ZNF804B: variants seen among roughly 807,000 people sequenced by gnomAD.
ZNF804B encodes zinc finger protein 804B, also known as zinc finger 804B.
ZNF804B carries 80 observed loss-of-function variants against 101.4 expected under a neutral mutation model. The ratio of observed to expected loss-of-function variants is 0.79; its 90% CI spans 0.66 to 0.95. ZNF804B has a LOEUF of 0.95. Among genes scored for constraint, ZNF804B ranks in the 40% least tolerant of loss-of-function variants. The pLI is 0.00. For missense variants in ZNF804B, 1,673 were observed against 1,561.9 expected, an observed-to-expected ratio of 1.07 and a Z score of -1.20; for synonymous variants, 622 against 558.8, an observed-to-expected ratio of 1.11 and a Z score of -1.59.
At chr7:89,013,824 A>G (rs1788499335) in intron 1 of ZNF804B, among the ~76,000 whole-genome samples, 1 of 152,136 alleles carries the variant, frequency 6.6e-6, no homozygotes, top group African/African-American at 2.4e-5. Flanking sequence ...TTACTTCTAT[A>G]CAATCAACTC....
chr7:89,016,190 T>G (rs983917830), intron 1 of ZNF804B, among the ~76,000 whole-genome samples: 9 of 152,154 alleles, frequency 5.9e-5, no homozygotes, highest in African/African-American at 2.2e-4. Flanking sequence ...GGTTGTTTGT[T>G]TTTTTCTTGT....
intron 1 of ZNF804B, among the ~76,000 whole-genome samples, chr7:89,018,874 T>C (rs1788614127): frequency 1.3e-5 from 2 of 152,062 alleles, no homozygotes; most frequent in Admixed American, 1.3e-4. Flanking sequence ...TATTTATGTG[T>C]GTCTTCTCTC....
Position 89,119,524 on chromosome 7 carries a change from A to G in ZNF804B, c.109-98631A>G, listed in dbSNP as rs376595912. On this transcript the variant is annotated intron_variant, in intron 1 of 3. Transcript: ENST00000333190. Reference sequence around the variant, plus strand: ...TTTGCTTTTCTCCGTTCTTCCTCATAGTCAAAATAAATCAATAATTATAAA... The same window carrying G: ...TTTGCTTTTCTCCGTTCTTCCTCATGGTCAAAATAAATCAATAATTATAAA... Among the ~76,000 whole-genome samples the G allele has an allele frequency of 4.6e-5, 7 of 152,190 alleles. No homozygotes were observed. In the East Asian group the frequency reaches 1.3e-3, roughly 29 times the overall value.
chr7:88,863,047 G>A (rs1480023807), intron 1 of ZNF804B, among the ~76,000 whole-genome samples: 1 of 151,976 alleles, frequency 6.6e-6, no homozygotes, highest in East Asian at 1.9e-4. Context: ...TGTCTACAAG[G>A]CCCTGCAGTG....
chr7:89,218,968 G>A (rs1322798559), intron 2 of ZNF804B, among the ~76,000 whole-genome samples: 2 of 152,012 alleles, frequency 1.3e-5, no homozygotes, highest in African/African-American at 4.8e-5. Context: ...CATGTAAGTG[G>A]ACCCATTCAG....
chr7:88,765,123 C>T (rs1411586515), intron 1 of ZNF804B, among the ~76,000 whole-genome samples: 1 of 152,024 alleles, frequency 6.6e-6, no homozygotes, highest in African/African-American at 2.4e-5. Context: ...ATTAAGAAGA[C>T]TTAAATAGGT....
At chr7:89,092,252 T>C (rs926142235) in intron 1 of ZNF804B, among the ~76,000 whole-genome samples, 2 of 151,924 alleles carry the variant, frequency 1.3e-5, no homozygotes, top group African/African-American at 2.4e-5. Flanking sequence ...CCTTCATTAC[T>C]AATCACCTCC....
intron 1 of ZNF804B, among the ~76,000 whole-genome samples, chr7:89,002,512 T>C (rs1788304908): frequency 6.6e-6 from 1 of 151,892 alleles, no homozygotes; most frequent in Non-Finnish European, 1.5e-5. Flanking sequence ...GCCAATTAAA[T>C]AGATAGCAAT....
intron 1 of ZNF804B, among the ~76,000 whole-genome samples, chr7:88,806,136 A>G (rs1790681563): frequency 6.6e-6 from 1 of 151,938 alleles, no homozygotes; most frequent in Non-Finnish European, 1.5e-5. Context: ...TATCCCTCCC[A>G]CTGTTCAGTT....
intron 1 of ZNF804B, among the ~76,000 whole-genome samples, chr7:89,179,158 G>T (rs565903950): frequency 1.3e-5 from 2 of 152,198 alleles, no homozygotes; most frequent in African/African-American, 4.8e-5. Context: ...GGTTAAATCT[G>T]CATGGTATTT....
At chr7:89,280,210 T>G (rs374632629) in intron 2 of ZNF804B, among the ~76,000 whole-genome samples, 2 of 151,754 alleles carry the variant, frequency 1.3e-5, no homozygotes, top group African/African-American at 4.8e-5. Flanking sequence ...TTGAAACCAA[T>G]GAGAACAAAG....
At chr7:89,328,544 A>C (rs527280540) in intron 3 of ZNF804B, among the ~76,000 whole-genome samples, 1 of 151,874 alleles carries the variant, frequency 6.6e-6, no homozygotes, top group African/African-American at 2.4e-5. Context: ...TTTGGTACTG[A>C]GCTTTCTACA....
intron 1 of ZNF804B, among the ~76,000 whole-genome samples, chr7:88,967,606 A>C (rs1269624266): frequency 7.7e-6 from 1 of 130,632 alleles, no homozygotes; most frequent in Non-Finnish European, 1.7e-5. Context: ...CTAATAGAAC[A>C]ATAGTAAAAC....
chr7:89,001,007 TGTATA>T (rs1262888373), intron 1 of ZNF804B, among the ~76,000 whole-genome samples: 1 of 147,134 alleles, frequency 6.8e-6, no homozygotes, highest in Non-Finnish European at 1.5e-5. Context: ...TTATATATAA[TGTATA>T]GTATAATATA....
chr7:88,980,029 A>C (rs769086119), intron 1 of ZNF804B, among the ~76,000 whole-genome samples: 1 of 150,878 alleles, frequency 6.6e-6, no homozygotes, highest in Non-Finnish European at 1.5e-5. Context: ...TTAGTATATA[A>C]GTTGGATTTT....
At chr7:89,091,365 A>C (rs1052377439) in intron 1 of ZNF804B, among the ~76,000 whole-genome samples, 2 of 152,214 alleles carry the variant, frequency 1.3e-5, no homozygotes, top group South Asian at 4.1e-4. Flanking sequence ...ACAAATATGT[A>C]GTAACAGGTG....
intron 3 of ZNF804B, among the ~76,000 whole-genome samples, chr7:89,330,855 T>C (rs1217692789): frequency 2.0e-5 from 3 of 150,888 alleles, no homozygotes; most frequent in Admixed American, 2.0e-4. Context: ...TTTAAAAGAA[T>C]GTAAAAAGAA....
At chr7:88,825,639 T>C (rs936927173) in intron 1 of ZNF804B, among the ~76,000 whole-genome samples, 4 of 152,172 alleles carry the variant, frequency 2.6e-5, no homozygotes, top group African/African-American at 4.8e-5. Context: ...AAAGGCCATG[T>C]CACTTTTCCT....
chr7:88,994,447 C>T (rs1190117094), intron 1 of ZNF804B, among the ~76,000 whole-genome samples: 1 of 152,010 alleles, frequency 6.6e-6, no homozygotes, highest in African/African-American at 2.4e-5. Context: ...ATGACACAAT[C>T]AATTTGATTC....
Sources: allele counts gnomAD v4.1 joint callset (sites outside exome capture counted in the v4.1 genomes callset), GRCh38; gene constraint gnomAD v4.1.1; transcripts MANE v1.5; gene names NCBI Gene and HGNC (gene_info 2026-07-23, HGNC 2026-07-21).